LRRK1: variants seen among roughly 807,000 people sequenced by gnomAD.
LRRK1 encodes leucine rich repeat kinase 1, also known as leucine-rich repeat serine/threonine-protein kinase 1.
Under a neutral mutation model 209.1 loss-of-function variants are expected in LRRK1, and 113 were observed. The ratio of observed to expected loss-of-function variants is 0.54; its 90% CI spans 0.46 to 0.63. The LOEUF (loss-of-function observed/expected upper bound fraction) is 0.63. Among genes scored for constraint, LRRK1 ranks in the 30% least tolerant of loss-of-function variants. LRRK1 has a pLI of 0.00. For missense variants in LRRK1, 2,284 were observed against 2,632.2 expected (o/e 0.87, Z 2.89); for synonymous variants, 1,144 against 1,099.7 (o/e 1.04, Z -0.80).
At chr15:101,001,585 A>G (rs1442870437) in intron 6 of LRRK1, among the ~76,000 whole-genome samples, 9 of 152,158 alleles carry the variant, frequency 5.9e-5, no homozygotes, top group Non-Finnish European at 1.3e-4. Context: ...AGGAGGAGGC[A>G]CCGTCCCAGG....
At chr15:100,988,546 T>C (rs376785946) in intron 4 of LRRK1, 88 bp from the exon 5 acceptor site, 3 of 1,211,028 alleles carry the variant, frequency 2.5e-6, no homozygotes, top group East Asian at 2.3e-5. Flanking sequence ...ACCAGTCCAT[T>C]GCTACTAGCG....
chr15:100,950,162 G>A (rs895521792), intron 2 of LRRK1, among the ~76,000 whole-genome samples: 1 of 152,184 alleles, frequency 6.6e-6, no homozygotes, highest in South Asian at 2.1e-4. Flanking sequence ...CAGGATGCAA[G>A]ATCAAAATGT....
intron 12 of LRRK1, among the ~76,000 whole-genome samples, chr15:101,016,689 G>A (rs2141702657): frequency 6.6e-6 from 1 of 152,338 alleles, no homozygotes; most frequent in South Asian, 2.1e-4. Context: ...TTGTGTGGCT[G>A]CTTCTCAGTA....
In LRRK1 at chr15:100,973,843, G is replaced by A. The variant is rs2031118023; in HGVS notation, c.137G>A (p.Gly46Asp). Residue 46 changes from glycine to aspartate, a missense_variant, in exon 3 of 34, where the codon GGT becomes GAT. This residue lies in a region of LRRK1 where 174 missense variants were observed against 133.5 expected (regional missense o/e 1.30). Transcript: ENST00000388948. Reference sequence around the variant, plus strand: ...GGCGGCAAGCCGTCCACGCGGGGCGGTGACCCTGCAGCGCGGTCCCGCAGG... The same window carrying A: ...GGCGGCAAGCCGTCCACGCGGGGCGATGACCCTGCAGCGCGGTCCCGCAGG... ...DTGGKPSTRG[G>D]DPAARSRRTE... The A allele has an allele frequency of 7.7e-7, 1 of 1,294,378 alleles. No homozygotes were observed. The highest frequency in any genetic ancestry group is 2.3e-5 in the South Asian group (1 of 43,326). The allele number at this position is 1,294,378 out of a possible 1,614,324, so 80.2% of individuals were successfully genotyped here. A position where few individuals can be genotyped will look rare whatever the true frequency, so the allele number is the denominator to read the frequency against.
At position 101,077,283 on chromosome 15, in the gene LRRK1, C is replaced by G. The variant is rs1250028957; in HGVS notation, c.*8435C>G. 1 of 152,248 alleles carries G rather than the reference C, an allele frequency of 6.6e-6. No homozygotes were observed. Among genetic ancestry groups the G allele is most frequent in the Non-Finnish European group, 1.5e-5 (1 of 68,048 alleles). The allele number at this position is 152,248 out of a possible 1,614,324, so 9.4% of individuals were successfully genotyped here. On this transcript the variant is annotated 3_prime_UTR_variant, in exon 34 of 34. Coordinates refer to ENST00000388948, the MANE Select transcript of LRRK1 (RefSeq NM_024652.6). ...TGCCCCAAAAAACTTGTCATCCCTA[C>G]TATCTTCTGTCTAGTCGTACTCCTA...
At chr15:101,068,422 T>C (rs1166546117) in intron 33 of LRRK1, among the ~76,000 whole-genome samples, 1 of 152,160 alleles carries the variant, frequency 6.6e-6, no homozygotes, top group African/African-American at 2.4e-5. Context: ...AGTCTGACTC[T>C]TACAGACAAA....
rs1369691742 is a variant in LRRK1, at chr15:100,972,361, A to T, written c.98-1443A>T. Among the ~76,000 whole-genome samples the T allele has an allele frequency of 2.5e-3, 212 of 83,998 alleles. 2 individuals are homozygous for T. Among genetic ancestry groups the T allele is most frequent in the African/African-American group, 8.2e-3 (148 of 18,012 alleles). The allele number at this position is 83,998 out of a possible 152,430, so 55.1% of individuals were successfully genotyped here. ...GAGAGAGAGAGAGAGAGAGAGAGAGAGAGTGTGTGTGTGTGTGTGTGTGTG... is the reference window on the plus strand; with the variant it reads ...GAGAGAGAGAGAGAGAGAGAGAGAGTGAGTGTGTGTGTGTGTGTGTGTGTG... On this transcript the variant is annotated intron_variant, in intron 2 of 33. Transcript: ENST00000388948.
At chr15:101,012,308 G>A (rs763715416) in intron 10 of LRRK1, among the ~76,000 whole-genome samples, 163 bp downstream of exon 10, 1 of 152,222 alleles carries the variant, frequency 6.6e-6, no homozygotes, top group Non-Finnish European at 1.5e-5. Context: ...CACGAACAGC[G>A]ATGAGGGTGG....
rs752281425 is a variant in LRRK1, at chr15:101,022,579, G to A, written c.2049G>A (p.Pro683=). The part of the protein sequence containing the change: ...IRTTKWELQR[P]AGSRAKVESV... ...CCACCAAGTGGGAGCTCCAGAGGCC[G>A]GCTGGCTCGAGAGCCAAGGTCAAGG... Residue 683 remains proline (P), a synonymous_variant, in exon 15 of 34, where the codon CCG becomes CCA. Transcript: ENST00000388948. The surrounding 1 kb of genome is among the most constrained non-coding windows in gnomAD (Gnocchi z 4.0). 24 of 1,611,622 alleles carry A rather than the reference G, an allele frequency of 1.5e-5. No homozygotes were observed. Among genetic ancestry groups the A allele is most frequent in the Admixed American group, 3.3e-5 (2 of 59,854 alleles).
chr15:101,011,999 A>G lies in LRRK1; in HGVS notation c.1282-9A>G. 6.3e-7 allele frequency: 1 copy of G among 1,581,204 alleles called. No individual in the cohort carries two copies. ...TAATATACATTTTTTTTTCTCGTCAATCTCTTAGAAATGTTGTAAAGCTTC... is the reference window on the plus strand; with the variant it reads ...TAATATACATTTTTTTTTCTCGTCAGTCTCTTAGAAATGTTGTAAAGCTTC... On this transcript the variant is annotated splice_polypyrimidine_tract_variant and intron_variant, in intron 9 of 33. Transcript: ENST00000388948.
intron 6 of LRRK1, among the ~76,000 whole-genome samples, chr15:100,991,765 A>C (rs2032165668): frequency 6.6e-6 from 1 of 152,152 alleles, no homozygotes; most frequent in Admixed American, 6.5e-5. Context: ...TCATGACTCT[A>C]GCAGTTATAT....
intron 2 of LRRK1, among the ~76,000 whole-genome samples, chr15:100,939,936 A>G (rs1028639867): frequency 2.0e-5 from 3 of 152,088 alleles, no homozygotes; most frequent in African/African-American, 4.8e-5. Flanking sequence ...TTGATTCTTG[A>G]TGCTAACGCT....
At chr15:100,923,169 G>C (rs1395954079) in intron 1 of LRRK1, among the ~76,000 whole-genome samples, 3 of 152,184 alleles carry the variant, frequency 2.0e-5, no homozygotes, top group Non-Finnish European at 4.4e-5. Flanking sequence ...GTAGAGAGAG[G>C]CTGCAGAAAC....
chr15:100,995,662 G>T (rs1323584157), intron 6 of LRRK1, among the ~76,000 whole-genome samples: 1 of 152,106 alleles, frequency 6.6e-6, no homozygotes, highest in Non-Finnish European at 1.5e-5. Context: ...ACCCAGAAAG[G>T]AACAAGAAAA....
intron 2 of LRRK1, among the ~76,000 whole-genome samples, chr15:100,962,091 G>A (rs2030015745): frequency 6.6e-6 from 1 of 152,148 alleles, no homozygotes; most frequent in African/African-American, 2.4e-5. Flanking sequence ...TAATACCACT[G>A]AAGAACTGGT....
At chr15:100,932,143 G>A (rs1050181893) in intron 2 of LRRK1, among the ~76,000 whole-genome samples, 3 of 152,034 alleles carry the variant, frequency 2.0e-5, no homozygotes, top group Non-Finnish European at 1.5e-5. Flanking sequence ...TCGCCACCAC[G>A]CCCAGCAAAT....
chr15:101,058,802 A>G (rs113506447), intron 29 of LRRK1, among the ~76,000 whole-genome samples: 18,584 of 151,762 alleles, frequency 0.12, 1,332 homozygotes, highest in Non-Finnish European at 0.16. Context: ...AAAAAACTCA[A>G]GAGTTATGGT....
intron 3 of LRRK1, among the ~76,000 whole-genome samples, chr15:100,980,721 T>C (rs986729148): frequency 2.0e-5 from 3 of 152,032 alleles, no homozygotes; most frequent in African/African-American, 7.3e-5. Context: ...ATAGGTAAAG[T>C]ATAATTCCAC....
chr15:100,940,828 TC>T lies in LRRK1; in HGVS notation c.97+16100del, dbSNP rs374018080. The stretch of plus-strand genomic sequence containing the variant: ...TGACAATACCAAGCTGTGTTGTGAA[TC>T]AGGAAAGCCCAAAGCTGTCTTATCT... On this transcript the variant is annotated intron_variant, in intron 2 of 33. Transcript: ENST00000388948. Among the ~76,000 whole-genome samples the T allele has an allele frequency of 3.9e-4, 60 of 152,324 alleles. No individual in the cohort carries two copies. In the East Asian group the frequency reaches 6.9e-3, roughly 18 times the overall value.
Sources: gnomAD v4.1 joint callset for allele counts (sites outside exome capture counted in the v4.1 genomes callset) on GRCh38, gnomAD v4.1.1 for gene constraint, gnomAD v4.1.1 regional missense constraint, Gnocchi (gnomAD v3.1) non-coding constraint, MANE v1.5 for transcripts, NCBI Gene and HGNC (gene_info 2026-07-23, HGNC 2026-07-21) for gene names.